Variants in STARD9 observed in about 807,000 individuals in gnomAD.
The protein encoded by STARD9 is stAR-related lipid transfer protein 9.
Under a neutral mutation model 399.8 loss-of-function variants are expected in STARD9, and 346 were observed. That is an observed-to-expected ratio of 0.87 (90% confidence interval 0.79 to 0.95). STARD9 has a LOEUF of 0.95. Ranked by LOEUF, STARD9 falls within the 40% of genes least tolerant of loss-of-function variation. The pLI is 0.00. For missense variants in STARD9, 5,832 were observed against 5,667.5 expected (o/e 1.03, Z -0.93); for synonymous variants, 2,203 against 2,143.5 (o/e 1.03, Z -0.77).
chr15:42,648,214 G>A (rs2059684322), intron 7 of STARD9, among the ~76,000 whole-genome samples: 1 of 152,196 alleles, frequency 6.6e-6, no homozygotes, highest in African/African-American at 2.4e-5. Context: ...CCAGGTTAGA[G>A]TGCAGTGGCG....
At position 42,682,402 on chromosome 15, in the gene STARD9, G is replaced by A. The variant is rs1470782332; in HGVS notation, c.2364G>A (p.Leu788=). The stretch of plus-strand genomic sequence containing the variant: ...GGCTGCTGGAGGCCCAGAAGAGACT[G>A]GAGAAGCTCACGACATTGTGCTGGC... ...KQRLLEAQKR[L]EKLTTLCWLQ... The change falls in exon 22 of 33, where the codon CTG becomes CTA. Residue 788 remains leucine, a synonymous_variant. Coordinates refer to ENST00000290607, the MANE Select transcript of STARD9 (RefSeq NM_020759.3). The A allele has an allele frequency of 2.6e-6, 4 of 1,537,138 alleles. No individual in the cohort carries two copies. Among genetic ancestry groups the A allele is most frequent in the Non-Finnish European group, 2.6e-6 (3 of 1,146,912 alleles).
At chr15:42,593,364 A>G (rs997512741) in intron 3 of STARD9, among the ~76,000 whole-genome samples, 1 of 152,188 alleles carries the variant, frequency 6.6e-6, no homozygotes, top group Non-Finnish European at 1.5e-5. Context: ...GAGGAGTATT[A>G]GCTCAGCTTT....
intron 26 of STARD9, 88 bp from the exon 27 acceptor site, chr15:42,716,589 C>A: frequency 1.2e-6 from 1 of 836,962 alleles, no homozygotes; most frequent in Non-Finnish European, 1.9e-6. Flanking sequence ...AGTCATCCCA[C>A]TGGAAGCTGT....
At chr15:42,627,521 G>A (rs1013338851) in intron 3 of STARD9, among the ~76,000 whole-genome samples, 6 of 152,096 alleles carry the variant, frequency 3.9e-5, no homozygotes, top group African/African-American at 1.4e-4. Context: ...ATCACGTTAT[G>A]CTATCAAATA....
chr15:42,676,111 T>C (rs2060306913), intron 20 of STARD9, 136 bp downstream of exon 20: 5 of 708,482 alleles, frequency 7.1e-6, no homozygotes, highest in Admixed American at 4.7e-5. Context: ...CTGAATCAAC[T>C]TGGGCAAGTC....
chr15:42,698,797 G>A (rs2060899026), intron 26 of STARD9, among the ~76,000 whole-genome samples: 1 of 151,948 alleles, frequency 6.6e-6, no homozygotes, highest in Non-Finnish European at 1.5e-5. Flanking sequence ...TCCTTTTGGA[G>A]TCATTTTCAT....
At chr15:42,657,875 AAT>A (rs1300878797) in intron 9 of STARD9, among the ~76,000 whole-genome samples, 1 of 152,238 alleles carries the variant, frequency 6.6e-6, no homozygotes, top group Non-Finnish European at 1.5e-5. Context: ...CAGTGGAGAA[AAT>A]ATGTTTTCAG....
chr15:42,689,785 T>C lies in STARD9; in HGVS notation c.8207T>C (p.Val2736Ala). 2.6e-6 allele frequency: 4 copies of C among 1,537,472 alleles called. No homozygotes were observed. Among genetic ancestry groups the C allele is most frequent in the African/African-American group, 1.4e-5 (1 of 73,146 alleles). Residue 2736 changes from valine to alanine, a missense_variant, in exon 23 of 33, where the codon GTA (valine) becomes GCA (alanine). By Grantham distance (64) the Val-to-Ala change is moderately conservative. Around this residue, in one of 2 missense-constraint regions of STARD9, gnomAD observed 5,828 missense variants for 5,651.1 expected, o/e 1.03. Transcript: ENST00000290607. ...CCTGTGGAGGAGGTCAGGAGGGTAGTATCAAAGAAGGTAGTGGCTGCCTTA... is the reference window on the plus strand; with the variant it reads ...CCTGTGGAGGAGGTCAGGAGGGTAGCATCAAAGAAGGTAGTGGCTGCCTTA... ...SAPVEEVRRV[V>A]SKKVVAALPS...
At chr15:42,605,744 T>C (rs543978091) in intron 3 of STARD9, among the ~76,000 whole-genome samples, 1 of 152,352 alleles carries the variant, frequency 6.6e-6, no homozygotes, top group Admixed American at 6.5e-5. Context: ...GCAGCTTCCA[T>C]GCAGTTGGTG....
Position 42,677,572 on chromosome 15 carries a change from C to G in STARD9, c.1874+1597C>G, listed in dbSNP as rs1302457985. ...AGACTCTTTGAAGATCTGTTTTTCC[C>G]AGAGTTCAGAGGTTTACAGAAAATA... On this transcript the variant is annotated intron_variant, in intron 20 of 32. Coordinates refer to ENST00000290607, the MANE Select transcript of STARD9 (RefSeq NM_020759.3). Among the ~76,000 whole-genome samples the G allele has an allele frequency of 2.6e-5, 4 of 152,252 alleles. No individual in the cohort carries two copies. The South Asian group carries it at 8.3e-4, about 32-fold the overall frequency.
In STARD9 at chr15:42,691,638, G is replaced by T. The variant is rs1471399767; in HGVS notation, c.10060G>T (p.Gly3354Trp). The stretch of plus-strand genomic sequence containing the variant: ...TTCCCCTACAGACGAAGATACACAG[G>T]GGCCTAACAGATTGTGGAACCCACA... The part of the protein sequence containing the change: ...PPSPTDEDTQ[G>W]PNRLWNPHLR... Residue 3354 changes from glycine to tryptophan, a missense_variant, in exon 23 of 33, where the codon GGG (glycine) becomes TGG (tryptophan). Physicochemically the swap from Gly to Trp is radical, Grantham distance 184 (BLOSUM62 -2). Transcript: ENST00000290607. The T allele has an allele frequency of 6.5e-7, 1 of 1,537,252 alleles. No homozygotes were observed. The highest frequency in any genetic ancestry group is 1.2e-5 in the South Asian group (1 of 84,062).
chr15:42,578,106 A>ATTTTTT (rs57016102), intron 1 of STARD9, among the ~76,000 whole-genome samples: 13 of 134,126 alleles, frequency 9.7e-5, no homozygotes, highest in Non-Finnish European at 1.3e-4. Context: ...TTGACGCTCA[A>ATTTTTT]TTTTTTTTTT....
At chr15:42,647,395 G>A (rs1243328838) in intron 7 of STARD9, among the ~76,000 whole-genome samples, 1 of 151,862 alleles carries the variant, frequency 6.6e-6, no homozygotes, top group Non-Finnish European at 1.5e-5. Flanking sequence ...GCCAATTTTT[G>A]TTTTATATAT....
At chr15:42,666,107 G>A (rs745873844) in intron 15 of STARD9, among the ~76,000 whole-genome samples, 6 of 152,190 alleles carry the variant, frequency 3.9e-5, no homozygotes, top group Non-Finnish European at 7.3e-5. Flanking sequence ...GCAAAAGACT[G>A]TTTTCTTGTC....
intron 4 of STARD9, among the ~76,000 whole-genome samples, chr15:42,635,657 G>A (rs1247346831): frequency 1.3e-5 from 2 of 152,134 alleles, no homozygotes; most frequent in African/African-American, 2.4e-5. Flanking sequence ...ACCCTGAAGA[G>A]CCTTAGAATT....
intron 3 of STARD9, among the ~76,000 whole-genome samples, chr15:42,598,198 A>G (rs2058554440): frequency 1.3e-5 from 2 of 150,564 alleles, no homozygotes; most frequent in South Asian, 4.2e-4. Context: ...CGCCTGGCTA[A>G]TTTTTTGTAT....
chr15:42,674,392 G>T, intron 16 of STARD9, 48 bp from the exon 17 acceptor site: 1 of 1,426,912 alleles, frequency 7.0e-7, no homozygotes, highest in South Asian at 1.2e-5. Flanking sequence ...GTAGGGCAAG[G>T]CTCTGTCCCT....
At chr15:42,718,614 C>T (rs1018650108) in intron 31 of STARD9, 100 bp downstream of exon 31, 9 of 1,427,724 alleles carry the variant, frequency 6.3e-6, no homozygotes, top group Non-Finnish European at 8.6e-6. Context: ...GGAAGGAGGG[C>T]AAATTGGGGC....
chr15:42,691,922 A>C lies in STARD9; in HGVS notation c.10344A>C (p.Glu3448Asp), dbSNP rs2140285613. The C allele has an allele frequency of 6.5e-7, 1 of 1,537,262 alleles. No individual in the cohort carries two copies. The highest frequency in any genetic ancestry group is 8.7e-7 in the Non-Finnish European group (1 of 1,146,912). ...REKLGVQVRP[E>D]NWCSQMDKGM... ...AACTGGGTGTCCAGGTTAGGCCAGAAAATTGGTGCTCTCAGATGGACAAAG... is the reference window on the plus strand; with the variant it reads ...AACTGGGTGTCCAGGTTAGGCCAGACAATTGGTGCTCTCAGATGGACAAAG... Residue 3448 changes from glutamate to aspartate, a missense_variant, in exon 23 of 33, where the codon GAA becomes GAC. Glu to Asp is a conservative substitution (Grantham distance 45). This residue lies in a region of STARD9 where 5,828 missense variants were observed against 5,651.1 expected (regional missense o/e 1.03). Coordinates refer to ENST00000290607, the MANE Select transcript of STARD9 (RefSeq NM_020759.3).
Sources: allele counts gnomAD v4.1 joint callset (sites outside exome capture counted in the v4.1 genomes callset), GRCh38; gene constraint gnomAD v4.1.1; regional missense constraint gnomAD v4.1.1; transcripts MANE v1.5; gene names NCBI Gene and HGNC (gene_info 2026-07-23, HGNC 2026-07-21).